The following DDX46 variants were observed in gnomAD, a reference collection of about 807,000 sequenced individuals.
DDX46 encodes the protein probable ATP-dependent RNA helicase DDX46.
DDX46 carries 30 observed loss-of-function variants against 134.9 expected under a neutral mutation model. The observed-to-expected ratio is 0.22, with a 90% CI of 0.17 to 0.30. The LOEUF (loss-of-function observed/expected upper bound fraction) is 0.30, where lower values mean the gene tolerates loss of function less well. DDX46 is among the 10% of genes least tolerant of loss of function. The probability of loss-of-function intolerance (pLI) is 1.00; values close to 1 mark genes in which losing one functional copy is unlikely to be tolerated. For synonymous variants in DDX46, 415 were observed against 404.1 expected (o/e 1.03, Z -0.32); for missense variants, 622 against 1,248.7 (o/e 0.50, Z 7.56).
chr5:134,781,656 AAAAC>A (rs1324900307), intron 7 of DDX46, among the ~76,000 whole-genome samples: 1 of 152,232 alleles, frequency 6.6e-6, no homozygotes, highest in African/African-American at 2.4e-5. Context: ...CAAAGAAAAA[AAAAC>A]TAAGTTGAAA....
intron 6 of DDX46, among the ~76,000 whole-genome samples, chr5:134,778,676 C>T (rs1001590630): frequency 1.3e-5 from 2 of 151,852 alleles, no homozygotes; most frequent in East Asian, 3.9e-4. Context: ...CAAGTTCAAG[C>T]GATTCTCCTG....
chr5:134,800,769 G>A (rs544224124), intron 15 of DDX46, among the ~76,000 whole-genome samples: 2 of 151,976 alleles, frequency 1.3e-5, no homozygotes, highest in African/African-American at 4.8e-5. Flanking sequence ...TCCGCCTCCC[G>A]GGTTCAAGCG....
chr5:134,759,035 CG>C (rs1753292761), intron 1 of DDX46, 80 bp downstream of exon 1: 6 of 1,579,178 alleles, frequency 3.8e-6, no homozygotes, highest in Non-Finnish European at 5.1e-6. Context: ...AGGTGGCCGC[CG>C]GGCCAGGCCT....
chr5:134,780,276 A>G (rs182181116), intron 6 of DDX46, among the ~76,000 whole-genome samples: 39 of 150,338 alleles, frequency 2.6e-4, no homozygotes, highest in Non-Finnish European at 4.6e-4. Flanking sequence ...ATTGTTATAT[A>G]TAATTGGCTG....
At chr5:134,775,489 G>A (rs1333163818) in intron 5 of DDX46, among the ~76,000 whole-genome samples, 1 of 151,494 alleles carries the variant, frequency 6.6e-6, no homozygotes, top group South Asian at 2.1e-4. Context: ...TCGGCTCACT[G>A]CAACCTCCAC....
rs954893917 is a variant in DDX46 at position 134,763,967 on chromosome 5, C to G, written c.81C>G (p.Pro27=). 1.2e-6 allele frequency: 2 copies of G among 1,614,014 alleles called. No individual in the cohort carries two copies. The highest frequency in any genetic ancestry group is 1.3e-5 in the African/African-American group (1 of 74,900). ...RSGSRSRSRS[P]SDKRSKRGDD... ...GAAGTCGGTCTAGAAGTCGCTCACC[C>G]TCAGACAAAAGAAGTAAACGTGGAG... The change falls in exon 2 of 23, where the codon CCC becomes CCG. Residue 27 remains proline (P), a synonymous_variant. Coordinates refer to ENST00000452510, the MANE Select transcript of DDX46 (RefSeq NM_001300860.2).
chr5:134,824,254 A>G (rs1300439605), intron 21 of DDX46, among the ~76,000 whole-genome samples: 3 of 152,202 alleles, frequency 2.0e-5, no homozygotes, highest in African/African-American at 7.2e-5. Flanking sequence ...TCTCCTCAGT[A>G]AAAAAGCAAC....
At position 134,828,774 on chromosome 5, in the gene DDX46, A is replaced by C. The variant is rs2150165573; in HGVS notation, c.*68A>C. On this transcript the variant is annotated 3_prime_UTR_variant, in exon 23 of 23. Coordinates refer to ENST00000452510, the MANE Select transcript of DDX46 (RefSeq NM_001300860.2). ...ATGTGGCAGTTGCTGTCTGCAGTTT[A>C]CAATGTATTGTAAATGAAGATTTTT... is the stretch of plus-strand genomic sequence containing the variant. 8.7e-7 allele frequency: 1 copy of C among 1,146,236 alleles called. No individual in the cohort carries two copies. The allele number at this position is 1,146,236 out of a possible 1,614,324, so 71.0% of individuals were successfully genotyped here. A position where few individuals can be genotyped will look rare whatever the true frequency, so the allele number is the denominator to read the frequency against.
intron 13 of DDX46, 134 bp downstream of exon 13, chr5:134,790,686 A>G (rs1020655743): frequency 2.8e-6 from 2 of 715,736 alleles, no homozygotes; most frequent in African/African-American, 1.8e-5. Flanking sequence ...AAGACTGGGG[A>G]CATACAGTAT....
intron 7 of DDX46, 131 bp downstream of exon 7, chr5:134,781,377 A>G (rs1177212309): frequency 2.9e-6 from 2 of 692,696 alleles, no homozygotes; most frequent in South Asian, 1.8e-5. Flanking sequence ...CATTCTTGCT[A>G]TTCTTAGTAG....
At position 134,768,946 on chromosome 5, in the gene DDX46, T is replaced by C. The variant is rs548638129; in HGVS notation, c.350+1886T>C. On this transcript the variant is annotated intron_variant, in intron 3 of 22. Transcript: ENST00000452510. Reference sequence around the variant, plus strand: ...GGTGGCACACACCTGTGATCCCAGCTACTCGGGAGGCTGAGGCAGGAGAAT... The same window carrying C: ...GGTGGCACACACCTGTGATCCCAGCCACTCGGGAGGCTGAGGCAGGAGAAT... 7.2e-5 allele frequency among the ~76,000 whole-genome samples: 11 copies of C among 152,144 alleles called. No homozygotes were observed. The East Asian group carries it at 1.9e-3, about 27-fold the overall frequency.
At chr5:134,800,303 T>TA (rs1307972262) in intron 15 of DDX46, among the ~76,000 whole-genome samples, 1 of 152,182 alleles carries the variant, frequency 6.6e-6, no homozygotes, top group Non-Finnish European at 1.5e-5. Flanking sequence ...TTTTACCTCT[T>TA]AGAGTTATAG....
chr5:134,790,391 A>T, intron 12 of DDX46, 79 bp from the exon 13 acceptor site: 1 of 1,327,272 alleles, frequency 7.5e-7, no homozygotes. Context: ...TACAGTTTTT[A>T]AAAGTTCTTG....
rs538773300 is a variant in DDX46, at chr5:134,826,250, G to C, written c.2978-697G>C. The C allele has an allele frequency of 3.3e-5, 5 of 152,272 alleles. No homozygotes were observed. In the East Asian group the frequency reaches 9.6e-4, roughly 29 times the overall value. The allele number at this position is 152,272 out of a possible 1,614,324, so 9.4% of individuals were successfully genotyped here. A position where few individuals can be genotyped will look rare whatever the true frequency, so the allele number is the denominator to read the frequency against. ...AAGAGCATGAATTTGTTATTTATAT[G>C]TTAAATGTCTCACAGTATGTGAGAG... On this transcript the variant is annotated intron_variant, in intron 21 of 22. Coordinates refer to ENST00000452510, the MANE Select transcript of DDX46 (RefSeq NM_001300860.2).
intron 13 of DDX46, among the ~76,000 whole-genome samples, chr5:134,794,024 C>A (rs75265936): frequency 0.013 from 1,903 of 152,206 alleles, 34 homozygotes; most frequent in African/African-American, 0.043. Context: ...GATTTTAAAT[C>A]CCCTGCTAGT....
Position 134,784,353 on chromosome 5 carries a change from T to A in DDX46, c.1167-13T>A. The A allele has an allele frequency of 6.3e-7, 1 of 1,588,534 alleles. No individual in the cohort carries two copies. The highest frequency in any genetic ancestry group is 8.6e-7 in the Non-Finnish European group (1 of 1,169,432). On this transcript the variant is annotated splice_polypyrimidine_tract_variant and intron_variant, in intron 9 of 22. Transcript: ENST00000452510. ...CAATTCTTACCTTTTCTTCCTTTGG[T>A]TTTCTTTTTAAGGCATGGCTATGAA... is the stretch of plus-strand genomic sequence containing the variant.
chr5:134,801,185 G>A (rs1754817651), intron 15 of DDX46, among the ~76,000 whole-genome samples: 1 of 152,016 alleles, frequency 6.6e-6, no homozygotes, highest in Admixed American at 6.6e-5. Flanking sequence ...GTGGGAGGGA[G>A]GATTGTTTAA....
At chr5:134,821,773 T>C (rs948626265) in intron 21 of DDX46, among the ~76,000 whole-genome samples, 1 of 151,742 alleles carries the variant, frequency 6.6e-6, no homozygotes, top group Non-Finnish European at 1.5e-5. Context: ...GCCAGGATGG[T>C]CTCAATCTCC....
At chr5:134,764,355 T>C (rs1266118582) in intron 2 of DDX46, among the ~76,000 whole-genome samples, 2 of 151,860 alleles carry the variant, frequency 1.3e-5, no homozygotes, top group Non-Finnish European at 2.9e-5. Flanking sequence ...TCATCTCTGC[T>C]CACTGCAACC....
Sources: allele counts gnomAD v4.1 joint callset (sites outside exome capture counted in the v4.1 genomes callset), GRCh38; gene constraint gnomAD v4.1.1; transcripts MANE v1.5; gene names NCBI Gene and HGNC (gene_info 2026-07-23, HGNC 2026-07-21).